The following MAP2K1 variants were observed in gnomAD, a reference collection of about 807,000 sequenced individuals.
The protein encoded by MAP2K1 is mitogen-activated protein kinase kinase 1, also known as dual specificity mitogen-activated protein kinase kinase 1.
Under a neutral mutation model 46.3 loss-of-function variants are expected in MAP2K1, and 16 were observed. That is an observed-to-expected ratio of 0.35 (90% CI 0.23 to 0.52). MAP2K1 has a LOEUF of 0.52. Among genes scored for constraint, MAP2K1 ranks in the 20% least tolerant of loss-of-function variants. The probability of loss-of-function intolerance (pLI) is 0.94; values close to 1 mark genes in which losing one functional copy is unlikely to be tolerated. For synonymous variants in MAP2K1, 183 were observed against 185.6 expected (o/e 0.99, Z 0.11); for missense variants, 263 against 497.1 (o/e 0.53, Z 4.48).
intron 5 of MAP2K1, among the ~76,000 whole-genome samples, chr15:66,462,812 CA>C (rs1372904817): frequency 6.6e-6 from 1 of 152,140 alleles, no homozygotes; most frequent in African/African-American, 2.4e-5. Context: ...CCAGTGTAAA[CA>C]CAACAGGGGA....
chr15:66,428,155 C>A (rs975845921), intron 1 of MAP2K1, among the ~76,000 whole-genome samples: 1 of 151,878 alleles, frequency 6.6e-6, no homozygotes, highest in African/African-American at 2.4e-5. Context: ...TCTCAGAAAC[C>A]GAACACACCA....
chr15:66,484,924 A>T (rs1227510175), intron 6 of MAP2K1, 66 bp from the exon 7 acceptor site: 1 of 1,295,810 alleles, frequency 7.7e-7, no homozygotes, highest in African/African-American at 1.5e-5. Flanking sequence ...CAGAAGAGAA[A>T]ATGCATTAGC....
At chr15:66,454,895 CAAA>C (rs759871462) in intron 5 of MAP2K1, among the ~76,000 whole-genome samples, 4 of 150,074 alleles carry the variant, frequency 2.7e-5, no homozygotes, top group Non-Finnish European at 5.9e-5. Flanking sequence ...AAAAAAAAAA[CAAA>C]AAAAGAAGGA....
chr15:66,433,133 C>T (rs2093479102), intron 1 of MAP2K1, among the ~76,000 whole-genome samples: 1 of 152,086 alleles, frequency 6.6e-6, no homozygotes, highest in African/African-American at 2.4e-5. Context: ...TCAGTAAGCT[C>T]CTTTGTGGGG....
rs748988504 is a variant in MAP2K1, at chr15:66,435,108, T to G, written c.162T>G (p.Leu54=). ...AGCGAAAGCGCCTTGAGGCCTTTCTTACCCAGAAGCAGAAGGTGGGAGAAC... is the reference window on the plus strand; with the variant it reads ...AGCGAAAGCGCCTTGAGGCCTTTCTGACCCAGAAGCAGAAGGTGGGAGAAC... ...EQQRKRLEAF[L]TQKQKVGELK... is the part of the protein sequence containing the mutation. The change falls in exon 2 of 11, where the codon CTT becomes CTG. Residue 54 remains leucine (L), a synonymous_variant. Transcript: ENST00000307102. 1 of 1,614,142 alleles carries G rather than the reference T, an allele frequency of 6.2e-7. No individual in the cohort carries two copies. The highest frequency in any genetic ancestry group is 2.2e-5 in the East Asian group (1 of 44,886).
intron 5 of MAP2K1, among the ~76,000 whole-genome samples, chr15:66,460,339 C>T (rs1892286427): frequency 6.6e-6 from 1 of 152,162 alleles, no homozygotes; most frequent in African/African-American, 2.4e-5. Flanking sequence ...GCTTAGATCT[C>T]TTTAGGGAAG....
At chr15:66,482,949 G>T (rs1357301963) in intron 6 of MAP2K1, among the ~76,000 whole-genome samples, 2 of 152,052 alleles carry the variant, frequency 1.3e-5, no homozygotes, top group Non-Finnish European at 2.9e-5. Flanking sequence ...AGCATTTTAT[G>T]TGTTCTCTGT....
intron 3 of MAP2K1, among the ~76,000 whole-genome samples, chr15:66,438,695 T>C (rs960091951): frequency 2.6e-5 from 4 of 152,168 alleles, no homozygotes; most frequent in Admixed American, 6.6e-5. Context: ...AATAGTGAGA[T>C]GTTCCTGCAC....
intron 5 of MAP2K1, among the ~76,000 whole-genome samples, chr15:66,473,600 T>C (rs1822501459): frequency 1.3e-5 from 2 of 152,208 alleles, no homozygotes; most frequent in South Asian, 4.1e-4. Flanking sequence ...TCTTTTATTA[T>C]ACCTCTCTTC....
At chr15:66,470,980 G>C (rs1052964609) in intron 5 of MAP2K1, among the ~76,000 whole-genome samples, 4 of 152,158 alleles carry the variant, frequency 2.6e-5, no homozygotes, top group Non-Finnish European at 4.4e-5. Flanking sequence ...AAGCAGGGAG[G>C]GGGCTTCGAG....
At chr15:66,474,181 A>C (rs970606214) in intron 5 of MAP2K1, among the ~76,000 whole-genome samples, 1 of 152,130 alleles carries the variant, frequency 6.6e-6, no homozygotes, top group South Asian at 2.1e-4. Flanking sequence ...AAGGGAAGGA[A>C]GAAAAGAAAC....
At chr15:66,395,573 A>ATTTTTT (rs58172562) in intron 1 of MAP2K1, among the ~76,000 whole-genome samples, 52 of 98,558 alleles carry the variant, frequency 5.3e-4, no homozygotes, top group Non-Finnish European at 8.9e-4. Context: ...TTCTTGCATG[A>ATTTTTT]TTTTTTTTTT....
chr15:66,387,534 G>T lies in MAP2K1; in HGVS notation c.80+107G>T. Reference sequence around the variant, plus strand: ...ATCTGGTTTGTCACGTACGTCTGGGGCTGGCAGGGGGCGAGAAACTCCCGG... The same window carrying T: ...ATCTGGTTTGTCACGTACGTCTGGGTCTGGCAGGGGGCGAGAAACTCCCGG... On this transcript the variant is annotated intron_variant, in intron 1 of 10. Transcript: ENST00000307102. 5 of 1,153,616 alleles carry T rather than the reference G, an allele frequency of 4.3e-6. No individual in the cohort carries two copies. In the South Asian group the frequency reaches 6.7e-5, roughly 15 times the overall value. The allele number at this position is 1,153,616 out of a possible 1,614,324, so 71.5% of individuals were successfully genotyped here.
chr15:66,445,378 C>T (rs549826915), intron 5 of MAP2K1, among the ~76,000 whole-genome samples: 33 of 152,010 alleles, frequency 2.2e-4, no homozygotes, highest in Admixed American at 6.6e-4. Flanking sequence ...GGTGGCACAG[C>T]GAGACACAGT....
At chr15:66,475,025 C>G (rs1353485343) in intron 5 of MAP2K1, among the ~76,000 whole-genome samples, 1 of 152,158 alleles carries the variant, frequency 6.6e-6, no homozygotes, top group African/African-American at 2.4e-5. Context: ...CCCACCTAGT[C>G]TCTCAGCTGC....
chr15:66,407,160 G>C (rs1463596874), intron 1 of MAP2K1, among the ~76,000 whole-genome samples: 2 of 152,086 alleles, frequency 1.3e-5, no homozygotes, highest in Non-Finnish European at 2.9e-5. Flanking sequence ...CTTCTAGAAA[G>C]TTGGGAATAG....
chr15:66,459,890 A>C (rs1892273724), intron 5 of MAP2K1, among the ~76,000 whole-genome samples: 1 of 152,222 alleles, frequency 6.6e-6, no homozygotes, highest in Admixed American at 6.5e-5. Flanking sequence ...AATTTTTGCA[A>C]GGAACTATGC....
chr15:66,489,911 T>C, intron 10 of MAP2K1, 148 bp downstream of exon 10: 1 of 754,792 alleles, frequency 1.3e-6, no homozygotes, highest in Non-Finnish European at 2.4e-6. Context: ...CAAACACCAG[T>C]CTCCTTTGCT....
At chr15:66,392,389 G>A (rs1019799878) in intron 1 of MAP2K1, among the ~76,000 whole-genome samples, 5 of 149,914 alleles carry the variant, frequency 3.3e-5, no homozygotes, top group Non-Finnish European at 7.4e-5. Flanking sequence ...ATGTTGCTCA[G>A]GCTGGTCTTG....
Sources: allele counts gnomAD v4.1 joint callset (sites outside exome capture counted in the v4.1 genomes callset), GRCh38; gene constraint gnomAD v4.1.1; transcripts MANE v1.5; gene names NCBI Gene and HGNC (gene_info 2026-07-23, HGNC 2026-07-21).